CLDN16: variants seen among roughly 807,000 people sequenced by gnomAD.
The protein encoded by CLDN16 is claudin 16, also known as claudin-16.
A neutral mutation model predicts 24.6 loss-of-function variants in CLDN16; 13 were observed. That is an observed-to-expected ratio of 0.53 (90% confidence interval 0.34 to 0.84). CLDN16 has a LOEUF of 0.84. Ranked by LOEUF, CLDN16 falls within the 40% of genes least tolerant of loss-of-function variation. The probability of loss-of-function intolerance (pLI) is 0.01; values close to 1 mark genes in which losing one functional copy is unlikely to be tolerated. For missense variants in CLDN16, 298 were observed against 292.7 expected, an observed-to-expected ratio of 1.02 and a Z score of -0.13; for synonymous variants, 116 against 106.7, an observed-to-expected ratio of 1.09 and a Z score of -0.54.
chr3:190,404,358 ATTAT>A (rs1401680645), intron 2 of CLDN16, among the ~76,000 whole-genome samples: 5 of 152,178 alleles, frequency 3.3e-5, no homozygotes, highest in African/African-American at 9.7e-5. Context: ...AATTAAAGTG[ATTAT>A]TTATTCAATA....
At chr3:190,363,229 A>C (rs931130748) in intron 1 of CLDN16, among the ~76,000 whole-genome samples, 6 of 151,626 alleles carry the variant, frequency 4.0e-5, no homozygotes, top group Non-Finnish European at 8.8e-5. Flanking sequence ...TGCTATTGAC[A>C]CCATTCAATG....
chr3:190,298,461 T>TTG, the CLDN16 span, among the ~76,000 whole-genome samples: 1 of 151,286 alleles, frequency 6.6e-6, no homozygotes, highest in Non-Finnish European at 1.5e-5. Context: ...TTGCTTTTTT[T>TTG]TTTTTGTATT....
rs1012162731 is a variant in CLDN16 at position 190,356,823 on chromosome 3, A to G, written n.122-14070A>G. 2.6e-5 allele frequency among the ~76,000 whole-genome samples: 4 copies of G among 152,052 alleles called. No homozygotes were observed. The East Asian group carries it at 5.8e-4, about 22-fold the overall frequency. The stretch of plus-strand genomic sequence containing the variant: ...TTGAAACATAATGATTGCAGATATC[A>G]TAATATTTAGGTTGAAAATATTTTA... On this transcript the variant is annotated intron_variant and non_coding_transcript_variant, in intron 1 of 4. Coordinates refer to the CLDN16 transcript ENST00000468220.
chr3:190,334,894 C>T (rs1717262883), intron 1 of CLDN16, among the ~76,000 whole-genome samples: 1 of 152,184 alleles, frequency 6.6e-6, no homozygotes, highest in Non-Finnish European at 1.5e-5. Context: ...GCCTTGCCCC[C>T]TTGCATCTAG....
At chr3:190,373,843 TAA>T (rs59060697) in intron 2 of CLDN16, among the ~76,000 whole-genome samples, 118,533 of 149,396 alleles carry the variant, frequency 0.79, 46,921 homozygotes, top group East Asian at 0.89. Context: ...GTGCCCATAT[TAA>T]AAAAAAAAAA....
chr3:190,356,936 T>C (rs559588084), intron 1 of CLDN16, among the ~76,000 whole-genome samples: 1 of 152,076 alleles, frequency 6.6e-6, no homozygotes, highest in African/African-American at 2.4e-5. Context: ...CTAATGGAGT[T>C]GGCATATAAT....
the CLDN16 span, among the ~76,000 whole-genome samples, chr3:190,305,239 T>C: frequency 3.9e-5 from 6 of 152,120 alleles, no homozygotes; most frequent in African/African-American, 1.4e-4. Context: ...ACACTTAAGG[T>C]TGTGTCAGTT....
intron 1 of CLDN16, among the ~76,000 whole-genome samples, chr3:190,357,672 G>A (rs1187770037): frequency 6.6e-6 from 1 of 151,940 alleles, no homozygotes; most frequent in African/African-American, 2.4e-5. Flanking sequence ...TATGTTGACT[G>A]TGTTTTTCCT....
chr3:190,341,249 C>G (rs1428069890), intron 1 of CLDN16, among the ~76,000 whole-genome samples: 7 of 152,220 alleles, frequency 4.6e-5, no homozygotes, highest in Non-Finnish European at 1.0e-4. Flanking sequence ...ACTGCCCTAG[C>G]AGAGGTTCTC....
the CLDN16 span, among the ~76,000 whole-genome samples, chr3:190,311,558 GT>G: frequency 3.3e-5 from 5 of 151,514 alleles, no homozygotes; most frequent in African/African-American, 9.7e-5. Context: ...GTCTATTCTA[GT>G]TTTTTTCTAT....
the CLDN16 span, among the ~76,000 whole-genome samples, chr3:190,303,486 G>A: frequency 6.6e-6 from 1 of 152,178 alleles, no homozygotes; most frequent in Non-Finnish European, 1.5e-5. Flanking sequence ...TGGTGTGTGG[G>A]GGGGTTTGGG....
chr3:190,322,224 G>C, upstream of CLDN16: 2 of 1,611,380 alleles, frequency 1.2e-6, no homozygotes, highest in Non-Finnish European at 1.7e-6. Context: ...TCGGGCGCCC[G>C]CGCTGGCTCA....
At chr3:190,390,423 A>G (rs1373374733) in intron 1 of CLDN16, among the ~76,000 whole-genome samples, 1 of 152,182 alleles carries the variant, frequency 6.6e-6, no homozygotes, top group African/African-American at 2.4e-5. Flanking sequence ...AGTCCCAGCT[A>G]CTAAGGAGGC....
intron 1 of CLDN16, among the ~76,000 whole-genome samples, chr3:190,396,069 A>C (rs1253156679): frequency 6.6e-6 from 1 of 152,178 alleles, no homozygotes; most frequent in Non-Finnish European, 1.5e-5. Flanking sequence ...TTATATTTCA[A>C]GATTGATAAC....
intron 1 of CLDN16, among the ~76,000 whole-genome samples, chr3:190,401,103 G>A (rs942984691): frequency 2.6e-5 from 4 of 152,102 alleles, no homozygotes; most frequent in African/African-American, 9.7e-5. Context: ...CCAACTATAA[G>A]TATTTTACAT....
At chr3:190,335,331 A>C (rs1044910788) in intron 1 of CLDN16, among the ~76,000 whole-genome samples, 1 of 151,942 alleles carries the variant, frequency 6.6e-6, no homozygotes, top group Admixed American at 6.6e-5. Context: ...GATGTGAGCC[A>C]CTGCACCTGG....
At chr3:190,384,100 C>G (rs1234806374), upstream of CLDN16, among the ~76,000 whole-genome samples, 2 of 152,144 alleles carry the variant, frequency 1.3e-5, no homozygotes, top group African/African-American at 4.8e-5. Flanking sequence ...GAGGTCCAAG[C>G]TTTTAACCAC....
chr3:190,330,628 A>C (rs1717162855), intron 1 of CLDN16, among the ~76,000 whole-genome samples: 1 of 152,136 alleles, frequency 6.6e-6, no homozygotes, highest in African/African-American at 2.4e-5. Flanking sequence ...CTGCTCAAGA[A>C]ATGTTATCTC....
intron 3 of CLDN16, among the ~76,000 whole-genome samples, chr3:190,382,249 A>G (rs1258587767): frequency 1.3e-5 from 2 of 152,080 alleles, no homozygotes; most frequent in Admixed American, 6.6e-5. Context: ...AACACCCCCC[A>G]TTGCTTAATC....
Sources: allele counts gnomAD v4.1 joint callset (sites outside exome capture counted in the v4.1 genomes callset), GRCh38; gene constraint gnomAD v4.1.1; transcripts MANE v1.5; gene names NCBI Gene and HGNC (gene_info 2026-07-23, HGNC 2026-07-21).